The following ERBB4 variants were observed in gnomAD, a reference collection of about 807,000 sequenced individuals.
The protein encoded by ERBB4 is receptor tyrosine-protein kinase erbB-4.
ERBB4 carries 42 observed loss-of-function variants against 158.0 expected under a neutral mutation model. That is an observed-to-expected ratio of 0.27 (90% confidence interval 0.21 to 0.34). The LOEUF (loss-of-function observed/expected upper bound fraction) is 0.34, where lower values mean the gene tolerates loss of function less well. Among genes scored for constraint, ERBB4 ranks in the 10% least tolerant of loss-of-function variants. ERBB4 has a pLI of 1.00. For synonymous variants in ERBB4, 583 were observed against 558.7 expected, an observed-to-expected ratio of 1.04 and a Z score of -0.61; for missense variants, 1,333 against 1,624.1, an observed-to-expected ratio of 0.82 and a Z score of 3.08.
At chr2:211,401,049 AT>A (rs1273812335) in intron 25 of ERBB4, among the ~76,000 whole-genome samples, 1 of 152,134 alleles carries the variant, frequency 6.6e-6, no homozygotes, top group Non-Finnish European at 1.5e-5. Flanking sequence ...ATGTCTATTA[AT>A]TAACACATCA....
chr2:211,410,177 C>T (rs1452234875), intron 25 of ERBB4, among the ~76,000 whole-genome samples: 1 of 152,202 alleles, frequency 6.6e-6, no homozygotes, highest in Non-Finnish European at 1.5e-5. Flanking sequence ...CTGGTGTCTG[C>T]ATGTCAATGA....
chr2:211,637,990 A>G (rs2070424273), intron 16 of ERBB4, among the ~76,000 whole-genome samples: 1 of 151,958 alleles, frequency 6.6e-6, no homozygotes, highest in African/African-American at 2.4e-5. Flanking sequence ...ATATTTAGTT[A>G]TATCTTAATA....
At chr2:211,562,312 G>T (rs946843094) in intron 19 of ERBB4, among the ~76,000 whole-genome samples, 3 of 152,178 alleles carry the variant, frequency 2.0e-5, no homozygotes, top group Non-Finnish European at 4.4e-5. Context: ...CATGGAAGCT[G>T]TTATACAATA....
intron 4 of ERBB4, among the ~76,000 whole-genome samples, chr2:211,758,779 GTGCAC>G (rs1477593016): frequency 6.6e-6 from 1 of 152,214 alleles, no homozygotes; most frequent in African/African-American, 2.4e-5. Context: ...GAGGTGTGCA[GTGCAC>G]AACCTGTTCA....
chr2:211,855,609 T>C (rs2077837103), intron 3 of ERBB4, among the ~76,000 whole-genome samples: 1 of 152,158 alleles, frequency 6.6e-6, no homozygotes. Context: ...CAATACCAAT[T>C]CTTTCATAAA....
intron 1 of ERBB4, among the ~76,000 whole-genome samples, chr2:212,387,824 A>C (rs2090729158): frequency 6.6e-6 from 1 of 152,118 alleles, no homozygotes; most frequent in Admixed American, 6.6e-5. Context: ...ATTTTTCAAG[A>C]GTACACTTTT....
intron 20 of ERBB4, chr2:211,535,546 T>G (rs2066621544): frequency 6.6e-6 from 1 of 151,172 alleles, no homozygotes; most frequent in Admixed American, 6.6e-5. Flanking sequence ...CTAGTGCTGC[T>G]GGGAAAAACA....
At chr2:211,610,539 C>T (rs78379046) in intron 19 of ERBB4, among the ~76,000 whole-genome samples, 3,130 of 152,230 alleles carry the variant, frequency 0.021, 94 homozygotes, top group African/African-American at 0.071. Context: ...AGAAACTGTT[C>T]CTCCTAGTGA....
At chr2:212,401,279 A>T (rs35544454) in intron 1 of ERBB4, among the ~76,000 whole-genome samples, 21,371 of 152,060 alleles carry the variant, frequency 0.14, 1,766 homozygotes, top group Non-Finnish European at 0.18. Context: ...TCATTTGTAA[A>T]ATACCATGAC....
At chr2:211,408,045 G>A (rs1261762656) in intron 25 of ERBB4, among the ~76,000 whole-genome samples, 1 of 152,148 alleles carries the variant, frequency 6.6e-6, no homozygotes, top group Non-Finnish European at 1.5e-5. Context: ...ATCATAGCAG[G>A]CTGGCCTGAA....
At chr2:211,842,397 A>C (rs1314326529) in intron 3 of ERBB4, among the ~76,000 whole-genome samples, 1 of 143,712 alleles carries the variant, frequency 7.0e-6, no homozygotes, top group Non-Finnish European at 1.6e-5. Context: ...ACACAAGGTA[A>C]CAATTCATTC....
chr2:212,273,322 G>C (rs932740591), intron 1 of ERBB4, among the ~76,000 whole-genome samples: 8 of 151,648 alleles, frequency 5.3e-5, no homozygotes, highest in African/African-American at 1.7e-4. Context: ...CCAATTCATT[G>C]ATAAATAGCA....
intron 2 of ERBB4, among the ~76,000 whole-genome samples, chr2:211,956,720 T>A (rs2081045598): frequency 6.6e-6 from 1 of 152,130 alleles, no homozygotes; most frequent in Admixed American, 6.6e-5. Flanking sequence ...CAAAAACATT[T>A]AATATTAAAA....
intron 3 of ERBB4, among the ~76,000 whole-genome samples, chr2:211,924,560 A>G (rs1004820647): frequency 6.6e-6 from 1 of 152,188 alleles, no homozygotes; most frequent in Non-Finnish European, 1.5e-5. Flanking sequence ...TACACGTCAA[A>G]TCGATCACAT....
At position 212,286,594 on chromosome 2, in the gene ERBB4, C is replaced by CTTTTTTTTTTTTTTTTTTTTT. The variant is rs71054190; in HGVS notation, c.83-161712_83-161692dup. On this transcript the variant is annotated intron_variant, in intron 1 of 27. Transcript: ENST00000342788. ...AATGAGATGATTACATAAGTGCTGA[C>CTTTTTTTTTTTTTTTTTTTTT]TTTTTTTTTTTTTTTTTTTTTTTTT... 7.2e-5 allele frequency among the ~76,000 whole-genome samples: 4 copies of CTTTTTTTTTTTTTTTTTTTTT among 55,538 alleles called. 1 individual carries two copies. The highest frequency in any genetic ancestry group is 2.3e-4 in the African/African-American group (4 of 17,246). 36.4% of individuals were successfully genotyped at this position (55,538 alleles called of 152,430 possible).
intron 20 of ERBB4, among the ~76,000 whole-genome samples, chr2:211,506,415 T>C (rs1024251556): frequency 1.3e-5 from 2 of 151,932 alleles, no homozygotes; most frequent in African/African-American, 2.4e-5. Flanking sequence ...ATGGACCTAA[T>C]AGACATTTAT....
At chr2:212,491,284 A>G (rs1690263546) in intron 1 of ERBB4, among the ~76,000 whole-genome samples, 1 of 151,702 alleles carries the variant, frequency 6.6e-6, no homozygotes, top group Non-Finnish European at 1.5e-5. Context: ...AAAAGCAATA[A>G]TAAGAATTCA....
At chr2:211,391,426 G>A (rs1444012785) in intron 25 of ERBB4, among the ~76,000 whole-genome samples, 1 of 152,184 alleles carries the variant, frequency 6.6e-6, no homozygotes, top group African/African-American at 2.4e-5. Context: ...TTAGGAAGCA[G>A]CACTGGGTGC....
At chr2:211,590,795 G>A (rs2068437545) in intron 19 of ERBB4, among the ~76,000 whole-genome samples, 2 of 152,178 alleles carry the variant, frequency 1.3e-5, no homozygotes, top group Non-Finnish European at 2.9e-5. Flanking sequence ...CAGCAAGTAA[G>A]GCGAACCCAT....
Sources: allele counts gnomAD v4.1 joint callset (sites outside exome capture counted in the v4.1 genomes callset), GRCh38; gene constraint gnomAD v4.1.1; transcripts MANE v1.5; gene names NCBI Gene and HGNC (gene_info 2026-07-23, HGNC 2026-07-21).